Variants in BRWD1 observed in about 807,000 individuals in gnomAD.
BRWD1 encodes the protein bromodomain and WD repeat domain containing 1, also known as bromodomain and WD repeat-containing protein 1.
BRWD1 carries 82 observed loss-of-function variants against 251.2 expected under a neutral mutation model. The observed-to-expected ratio is 0.33, with a 90% CI of 0.27 to 0.39. The LOEUF is 0.39. BRWD1 is among the 10% of genes least tolerant of loss of function. The pLI, the probability that BRWD1 is intolerant of heterozygous loss-of-function variation, is 1.00. For missense variants in BRWD1, 2,233 were observed against 2,711.6 expected (o/e 0.82, Z 3.92); for synonymous variants, 918 against 902.8 (o/e 1.02, Z -0.30).
intron 4 of BRWD1, among the ~76,000 whole-genome samples, chr21:39,304,141 C>CA (rs56990201): frequency 0.11 from 13,106 of 117,496 alleles, 798 homozygotes; most frequent in East Asian, 0.13. Context: ...AACTCTTTCT[C>CA]AAAAAAAAAA....
At chr21:39,220,249 C>T (rs1409516983) in intron 29 of BRWD1, among the ~76,000 whole-genome samples, 4 of 152,170 alleles carry the variant, frequency 2.6e-5, no homozygotes, top group Admixed American at 2.6e-4. Flanking sequence ...TGACAGGAAG[C>T]CAGGAAAAGA....
chr21:39,227,131 G>A (rs958244177), intron 27 of BRWD1, among the ~76,000 whole-genome samples: 6 of 152,096 alleles, frequency 3.9e-5, no homozygotes, highest in African/African-American at 7.2e-5. Context: ...CCTTCAGCCC[G>A]GGCAACAGAG....
chr21:39,297,458 G>T, intron 5 of BRWD1: 4 of 949,400 alleles, frequency 4.2e-6, no homozygotes, highest in Non-Finnish European at 5.0e-6. Context: ...ACAAAACAAC[G>T]ACATGGAGCT....
chr21:39,234,996 C>T (rs764722556), intron 23 of BRWD1, among the ~76,000 whole-genome samples: 1 of 152,272 alleles, frequency 6.6e-6, no homozygotes, highest in East Asian at 1.9e-4. Context: ...CACCTGTAAT[C>T]CCAGCACTTT....
At chr21:39,302,779 G>A (rs1239281887) in intron 4 of BRWD1, among the ~76,000 whole-genome samples, 1 of 147,058 alleles carries the variant, frequency 6.8e-6, no homozygotes, top group Non-Finnish European at 1.5e-5. Flanking sequence ...AAAAAGTAAG[G>A]CCAGGCATGG....
chr21:39,276,153 C>CAT lies in BRWD1; in HGVS notation c.1145+18_1145+19dup. On this transcript the variant is annotated intron_variant, in intron 12 of 40. Coordinates refer to ENST00000342449, the MANE Select transcript of BRWD1 (RefSeq NM_033656.4). ...ATTTGCCTAATAACACACACACACA[C>CAT]ATACAAAACACACACTTACCGATCA... is the stretch of plus-strand genomic sequence containing the variant. The CAT allele has an allele frequency of 5.6e-6, 9 of 1,598,020 alleles. No individual in the cohort carries two copies. The highest frequency in any genetic ancestry group is 6.8e-6 in the Non-Finnish European group (8 of 1,168,828).
In BRWD1 at chr21:39,225,100, CT is replaced by C; in HGVS notation, c.3305del (p.Gln1102ArgfsTer33). The C allele has an allele frequency of 6.2e-7, 1 of 1,604,038 alleles. No individual in the cohort carries two copies. The highest frequency in any genetic ancestry group is 8.5e-7 in the Non-Finnish European group (1 of 1,170,988). The part of the protein sequence containing the change: ...YQPQYPDSHF[Q>X]CYIVRWDNTE... Reference sequence around the variant, plus strand: ...TGTATACAAACCTAACAATATAACACTGGAAATGACTATCAGGATACTGTGG... The same window carrying C: ...TGTATACAAACCTAACAATATAACACGGAAATGACTATCAGGATACTGTGG... On this transcript the variant is annotated frameshift_variant, in exon 28 of 41. Coordinates refer to ENST00000342449, the MANE Select transcript of BRWD1 (RefSeq NM_033656.4). LOFTEE classifies it high-confidence loss of function.
At chr21:39,274,613 G>T (rs760800928) in intron 12 of BRWD1, 141 bp from the exon 13 acceptor site, 1 of 718,054 alleles carries the variant, frequency 1.4e-6, no homozygotes, top group Non-Finnish European at 2.3e-6. Context: ...AAAAGACAAG[G>T]TATTTAGAGC....
chr21:39,192,130 T>C lies in BRWD1; in HGVS notation c.*4129A>G. The stretch of plus-strand genomic sequence containing the variant: ...TATATTAGGAACCAGCTTGGCAGAT[T>C]ATGAAAAAGGTAAAAATCTCTTACT... On this transcript the variant is annotated 3_prime_UTR_variant, in exon 41 of 41. Transcript: ENST00000342449. 7 of 985,164 alleles carry C rather than the reference T, an allele frequency of 7.1e-6. No individual in the cohort carries two copies. Among genetic ancestry groups the C allele is most frequent in the Non-Finnish European group, 8.4e-6 (7 of 829,732 alleles). The allele number at this position is 985,164 out of a possible 1,614,324, so 61.0% of individuals were successfully genotyped here. A position where few individuals can be genotyped will look rare whatever the true frequency, so the allele number is the denominator to read the frequency against.
At chr21:39,265,123 A>G in intron 15 of BRWD1, 104 bp from the exon 16 acceptor site, 4 of 976,520 alleles carry the variant, frequency 4.1e-6, no homozygotes, top group African/African-American at 1.8e-5. Context: ...TCCCTTCTGA[A>G]AAAAAAAAAA....
Position 39,187,905 on chromosome 21 carries a change from C to T in BRWD1, c.*8354G>A, listed in dbSNP as rs1485816922. On this transcript the variant is annotated 3_prime_UTR_variant, in exon 41 of 41. Transcript: ENST00000342449. ...ACCTAGCCTAAGGGATCAAGGAAGG[C>T]TTCCTTTAAGGAAGCTTTTAGACGA... The T allele has an allele frequency of 2.0e-6, 2 of 980,344 alleles. No individual in the cohort carries two copies. The highest frequency in any genetic ancestry group is 1.8e-5 in the African/African-American group (1 of 57,062). 60.7% of individuals were successfully genotyped at this position (980,344 alleles called of 1,614,324 possible). A position where few individuals can be genotyped will look rare whatever the true frequency, so the allele number is the denominator to read the frequency against.
intron 16 of BRWD1, 36 bp from the exon 17 acceptor site, chr21:39,264,721 G>A (rs376595191): frequency 1.3e-5 from 20 of 1,525,368 alleles, no homozygotes; most frequent in Admixed American, 8.0e-5. Context: ...ACATTTTAAG[G>A]TTCACACATT....
intron 17 of BRWD1, among the ~76,000 whole-genome samples, chr21:39,262,922 C>G (rs2034801938): frequency 6.6e-6 from 1 of 151,970 alleles, no homozygotes; most frequent in Non-Finnish European, 1.5e-5. Flanking sequence ...TACTTGACAG[C>G]CTGGGCAACA....
chr21:39,225,843 T>C (rs2033362720), intron 27 of BRWD1, among the ~76,000 whole-genome samples: 2 of 152,130 alleles, frequency 1.3e-5, no homozygotes, highest in South Asian at 2.1e-4. Context: ...CTTGAAACCA[T>C]AGCCCCTGAA....
chr21:39,224,228 A>G (rs561820743), intron 29 of BRWD1, among the ~76,000 whole-genome samples, 180 bp downstream of exon 29: 78 of 152,346 alleles, frequency 5.1e-4, no homozygotes, highest in Non-Finnish European at 1.0e-3. Flanking sequence ...GCTGGAATCT[A>G]AGGTCAAGAA....
chr21:39,207,485 AAC>A (rs3220832), intron 36 of BRWD1, among the ~76,000 whole-genome samples: 1 of 120,154 alleles, frequency 8.3e-6, no homozygotes, highest in South Asian at 2.6e-4. Flanking sequence ...CACACACACA[AAC>A]AAAACTCCAA....
intron 21 of BRWD1, among the ~76,000 whole-genome samples, chr21:39,244,198 G>A (rs1019916469): frequency 2.0e-5 from 3 of 152,060 alleles, no homozygotes; most frequent in African/African-American, 7.2e-5. Flanking sequence ...CCTAGCAGCT[G>A]GGACTACAGG....
chr21:39,218,739 C>A, intron 29 of BRWD1, 79 bp from the exon 30 acceptor site: 1 of 1,176,650 alleles, frequency 8.5e-7, no homozygotes, highest in South Asian at 2.0e-5. Context: ...ATTCAATTTT[C>A]ATAGCTTATA....
At chr21:39,292,764 G>T (rs2035852796) in intron 8 of BRWD1, among the ~76,000 whole-genome samples, 1 of 152,142 alleles carries the variant, frequency 6.6e-6, no homozygotes, top group Non-Finnish European at 1.5e-5. Context: ...TTTTTAAACT[G>T]CATAGATAGG....
Sources: allele counts gnomAD v4.1 joint callset (sites outside exome capture counted in the v4.1 genomes callset), GRCh38; gene constraint gnomAD v4.1.1; transcripts MANE v1.5; gene names NCBI Gene and HGNC (gene_info 2026-07-23, HGNC 2026-07-21).